Variants in MPDZ observed in about 807,000 individuals in gnomAD.
MPDZ encodes multiple PDZ domain protein.
A neutral mutation model predicts 239.1 loss-of-function variants in MPDZ; 234 were observed. The observed-to-expected ratio is 0.98, with a 90% CI of 0.88 to 1.09. The LOEUF is 1.09. Ranked by LOEUF, MPDZ falls within the 50% of genes least tolerant of loss-of-function variation. The pLI is 0.00. For missense variants in MPDZ, 3,175 were observed against 2,510.0 expected (o/e 1.26, Z -5.66); for synonymous variants, 1,048 against 881.3 (o/e 1.19, Z -3.35).
intron 5 of MPDZ, 81 bp from the exon 6 acceptor site, chr9:13,222,527 G>T: frequency 8.9e-7 from 1 of 1,124,512 alleles, no homozygotes; most frequent in Non-Finnish European, 1.3e-6. Flanking sequence ...GTATGTTCAA[G>T]TCATTTTTAA....
rs1319755933 is a variant in MPDZ, at chr9:13,279,530, G to C, written c.-188C>G. ...TTCTCTTCTGAAGTAACGACCCGGC[G>C]AGGAGCTTCGGATCAAAACGCACAG... On this transcript the variant is annotated 5_prime_UTR_variant, in exon 1 of 47. Transcript: ENST00000319217. The C allele has an allele frequency of 3.9e-3, 28 of 7,210 alleles. No individual in the cohort carries two copies. The highest frequency in any genetic ancestry group is 4.5e-3 in the African/African-American group (28 of 6,292). The allele number at this position is 7,210 out of a possible 1,614,324, so 0.4% of individuals were successfully genotyped here.
At chr9:13,212,282 T>C (rs186650684) in intron 10 of MPDZ, among the ~76,000 whole-genome samples, 1 of 152,216 alleles carries the variant, frequency 6.6e-6, no homozygotes, top group East Asian at 1.9e-4. Flanking sequence ...ACTGCTATAA[T>C]GGAACAGTCA....
intron 21 of MPDZ, among the ~76,000 whole-genome samples, chr9:13,175,022 G>C (rs1416227947): frequency 6.6e-6 from 1 of 152,112 alleles, no homozygotes; most frequent in Non-Finnish European, 1.5e-5. Flanking sequence ...AAGGATCTCT[G>C]ATGCTGAATT....
At chr9:13,214,449 C>T (rs2136024397) in intron 10 of MPDZ, among the ~76,000 whole-genome samples, 1 of 151,890 alleles carries the variant, frequency 6.6e-6, no homozygotes, top group Non-Finnish European at 1.5e-5. Flanking sequence ...CTAAGGGGTA[C>T]TGAAAATGTT....
intron 7 of MPDZ, among the ~76,000 whole-genome samples, chr9:13,220,777 AACTT>A (rs1317201206): frequency 1.3e-5 from 2 of 152,014 alleles, no homozygotes; most frequent in Admixed American, 6.6e-5. Flanking sequence ...ATCAAGGCAA[AACTT>A]ACTTAAACCA....
chr9:13,123,176 C>CG lies in MPDZ; in HGVS notation c.4929dup (p.Val1644ArgfsTer15), dbSNP rs766913143. Reference sequence around the variant, plus strand: ...ACCAGCAGCGTGTCTGAACCCCCAACGATGCTCAGGCCCAGCCCTGTTCGC... The same window carrying CG: ...ACCAGCAGCGTGTCTGAACCCCCAACGGATGCTCAGGCCCAGCCCTGTTCGC... On this transcript the variant is annotated frameshift_variant, in exon 36 of 47. Transcript: ENST00000319217. LOFTEE classifies it high-confidence loss of function. 1.7e-5 allele frequency: 28 copies of CG among 1,612,588 alleles called. No homozygotes were observed. Among genetic ancestry groups the CG allele is most frequent in the Non-Finnish European group, 2.2e-5 (26 of 1,179,628 alleles).
At chr9:13,222,803 C>A (rs1024448750) in intron 5 of MPDZ, among the ~76,000 whole-genome samples, 2 of 151,708 alleles carry the variant, frequency 1.3e-5, no homozygotes, top group Non-Finnish European at 2.9e-5. Context: ...TAGATTAGAT[C>A]CCCAACTGGG....
chr9:13,213,666 T>C (rs1284742384), intron 10 of MPDZ, among the ~76,000 whole-genome samples: 1 of 152,064 alleles, frequency 6.6e-6, no homozygotes, highest in Non-Finnish European at 1.5e-5. Context: ...AATCAGAATA[T>C]TGATGAGTGA....
intron 39 of MPDZ, among the ~76,000 whole-genome samples, chr9:13,117,334 AT>A (rs1157519992): frequency 6.6e-6 from 1 of 152,112 alleles, no homozygotes; most frequent in African/African-American, 2.4e-5. Context: ...GATTGAGACC[AT>A]CCTGGGTAAC....
rs370838254 is a variant in MPDZ, at chr9:13,133,863, G to A, written c.4425C>T (p.Leu1475=). ...TVTTSDAAVD[L]SSFKNVQHLE... ...GATGTTGCACATTTTTAAATGAACT[G>A]AGGTCCACAGCTGCATCAGAAGTAG... The change falls in exon 32 of 47, where the codon CTC becomes CTT. Residue 1475 remains leucine, a synonymous_variant. Transcript: ENST00000319217. The A allele has an allele frequency of 2.5e-6, 4 of 1,606,600 alleles. No homozygotes were observed. Among genetic ancestry groups the A allele is most frequent in the Non-Finnish European group, 3.4e-6 (4 of 1,175,622 alleles).
chr9:13,117,128 A>G (rs1943584145), intron 39 of MPDZ, among the ~76,000 whole-genome samples: 1 of 152,146 alleles, frequency 6.6e-6, no homozygotes, highest in Non-Finnish European at 1.5e-5. Flanking sequence ...AATTATAACA[A>G]TGTGCTGTAA....
intron 18 of MPDZ, among the ~76,000 whole-genome samples, chr9:13,184,348 T>C (rs1262725590): frequency 6.6e-6 from 1 of 152,006 alleles, no homozygotes; most frequent in East Asian, 1.9e-4. Context: ...AGAACTGACA[T>C]ATATACTACC....
chr9:13,157,053 T>C (rs1380326371), intron 24 of MPDZ, among the ~76,000 whole-genome samples: 2 of 152,214 alleles, frequency 1.3e-5, no homozygotes, highest in Admixed American at 1.3e-4. Flanking sequence ...TTTTATATTT[T>C]AAAAATATTT....
chr9:13,258,892 C>T (rs1970028611), intron 1 of MPDZ, among the ~76,000 whole-genome samples: 1 of 152,096 alleles, frequency 6.6e-6, no homozygotes, highest in African/African-American at 2.4e-5. Context: ...CAACATACTT[C>T]AAATACTGAT....
At chr9:13,140,393 C>CATATATATAT (rs535672637) in intron 27 of MPDZ, among the ~76,000 whole-genome samples, 24 of 136,544 alleles carry the variant, frequency 1.8e-4, no homozygotes, top group African/African-American at 6.4e-4. Flanking sequence ...TATATATATA[C>CATATATATAT]ATATATATAT....
rs1028926986 is a variant in MPDZ at position 13,192,214 on chromosome 9, C to T, written c.1885G>A (p.Val629Met). The T allele has an allele frequency of 9.9e-6, 16 of 1,610,058 alleles. No homozygotes were observed. In the African/African-American group the frequency reaches 2.0e-4, roughly 20 times the overall value. The change falls in exon 15 of 47, where the codon GTG (valine) becomes ATG (methionine). Residue 629 changes from valine to methionine, a missense_variant. By Grantham distance (21) the Val-to-Met change is conservative. Transcript: ENST00000319217. ...LKELPIEVTMVCCRRTVPPTT... is the reference protein window; with the variant it reads ...LKELPIEVTMMCCRRTVPPTT... ...GGTGGCACAGTTCGACGACAGCACA[C>T]CATTGTCACTTCTATAGGCAGTTCT... is the stretch of plus-strand genomic sequence containing the variant.
At chr9:13,272,371 T>C (rs1973179576) in intron 1 of MPDZ, among the ~76,000 whole-genome samples, 1 of 152,162 alleles carries the variant, frequency 6.6e-6, no homozygotes, top group Non-Finnish European at 1.5e-5. Context: ...AAATACTTTG[T>C]GACTTAGTCT....
At chr9:13,141,455 A>G (rs1947660927) in intron 27 of MPDZ, among the ~76,000 whole-genome samples, 1 of 152,204 alleles carries the variant, frequency 6.6e-6, no homozygotes. Context: ...ACATCCAGCT[A>G]AAGTTCTAAC....
chr9:13,125,501 G>A, intron 34 of MPDZ, 111 bp from the exon 35 acceptor site: 6 of 924,206 alleles, frequency 6.5e-6, no homozygotes, highest in South Asian at 2.2e-5. Flanking sequence ...TTAAGGGGAG[G>A]GACAGATGCA....
Sources: gnomAD v4.1 joint callset for allele counts (sites outside exome capture counted in the v4.1 genomes callset) on GRCh38, gnomAD v4.1.1 for gene constraint, MANE v1.5 for transcripts, NCBI Gene and HGNC (gene_info 2026-07-23, HGNC 2026-07-21) for gene names.